The following SERPINA6 variants were observed in gnomAD, a reference collection of about 807,000 sequenced individuals.
SERPINA6 encodes serpin family A member 6.
SERPINA6 carries 19 observed loss-of-function variants against 26.4 expected under a neutral mutation model. That is an observed-to-expected ratio of 0.72 (90% confidence interval 0.50 to 1.06). The LOEUF is 1.06. Ranked by LOEUF, SERPINA6 falls within the 50% of genes least tolerant of loss-of-function variation. The pLI is 0.00. For missense variants in SERPINA6, 473 were observed against 504.0 expected (o/e 0.94, Z 0.59); for synonymous variants, 196 against 199.4 (o/e 0.98, Z 0.14).
At chr14:94,311,002 G>A (rs1208348080) in intron 2 of SERPINA6, among the ~76,000 whole-genome samples, 2 of 152,214 alleles carry the variant, frequency 1.3e-5, no homozygotes, top group African/African-American at 4.8e-5. Flanking sequence ...CCTACTGTCT[G>A]TGGGATCTAT....
chr14:94,305,179 C>A (rs1895419450), intron 4 of SERPINA6, among the ~76,000 whole-genome samples: 1 of 152,204 alleles, frequency 6.6e-6, no homozygotes, highest in Non-Finnish European at 1.5e-5. Context: ...GAGCTCACAA[C>A]ACCCTAAGGG....
In SERPINA6 at chr14:94,314,310, G is replaced by A. The variant is rs143474136; in HGVS notation, c.339C>T (p.His113=). 5,260 of 1,614,182 alleles carry A rather than the reference G, an allele frequency of 3.3e-3. 116 individuals carry two copies. In the South Asian group the frequency reaches 0.037, roughly 12 times the overall value. The change falls in exon 2 of 5, where the codon CAC becomes CAT. Residue 113 remains histidine (H), a synonymous_variant. Transcript: ENST00000341584. ...TGGTGTCTGACTTTGCAAAGAGTTG[G>A]TGCAGGTGCTGGAAACCCTGGTGGA... The part of the protein sequence containing the change: ...TEIHQGFQHL[H]QLFAKSDTSL...
At chr14:94,307,164 A>T (rs924288433) in intron 3 of SERPINA6, among the ~76,000 whole-genome samples, 4 of 152,292 alleles carry the variant, frequency 2.6e-5, no homozygotes, top group African/African-American at 9.6e-5. Context: ...AAAGGAAGGG[A>T]GACCAATTTA....
At chr14:94,309,614 A>G in intron 3 of SERPINA6, 122 bp downstream of exon 3, 1 of 1,155,524 alleles carries the variant, frequency 8.7e-7, no homozygotes, top group Non-Finnish European at 1.3e-6. Context: ...CAGACAGGAA[A>G]ACTGAGCCCT....
At chr14:94,321,229 A>G (rs1266168253) in intron 1 of SERPINA6, among the ~76,000 whole-genome samples, 1 of 151,670 alleles carries the variant, frequency 6.6e-6, no homozygotes, top group African/African-American at 2.4e-5. Flanking sequence ...CCTCCTGTTC[A>G]ACTCCCTCCA....
chr14:94,313,433 G>A (rs996802963), intron 2 of SERPINA6, among the ~76,000 whole-genome samples: 14 of 152,222 alleles, frequency 9.2e-5, no homozygotes, highest in Admixed American at 3.3e-4. Context: ...AGTCAAAGAG[G>A]AAGGCAGGAA....
chr14:94,319,334 T>G (rs542317983), intron 1 of SERPINA6, among the ~76,000 whole-genome samples: 22 of 152,258 alleles, frequency 1.4e-4, no homozygotes, highest in African/African-American at 5.1e-4. Flanking sequence ...TGTGGGGAAA[T>G]TGGAACCCTT....
rs746726203 is a variant in SERPINA6 at position 94,309,875 on chromosome 14, G to T, written c.745C>A (p.Pro249Thr). ...TISYLHDSEL[P>T]CQLVQMNYVG... is the part of the protein sequence containing the mutation. ...TAGTTCATCTGCACCAGCTGGCAGGGGAGCTCCGAGTCATGAAGGTAACTG... is the reference window on the plus strand; with the variant it reads ...TAGTTCATCTGCACCAGCTGGCAGGTGAGCTCCGAGTCATGAAGGTAACTG... The change falls in exon 3 of 5, where the codon CCC becomes ACC. Residue 249 changes from proline to threonine, a missense_variant. Physicochemically the swap from Pro to Thr is conservative, Grantham distance 38. Transcript: ENST00000341584. 8.1e-6 allele frequency: 13 copies of T among 1,614,054 alleles called. No homozygotes were observed. Among genetic ancestry groups the T allele is most frequent in the Non-Finnish European group, 1.1e-5 (13 of 1,180,044 alleles).
In SERPINA6 at chr14:94,314,475, A is replaced by G. The variant is rs2139723308; in HGVS notation, c.174T>C (p.Ser58=). 1 of 1,614,070 alleles carries G rather than the reference A, an allele frequency of 6.2e-7. No individual in the cohort carries two copies. The highest frequency in any genetic ancestry group is 8.5e-7 in the Non-Finnish European group (1 of 1,180,020). Residue 58 remains serine (S), a synonymous_variant, in exon 2 of 5, where the codon AGT becomes AGC. Transcript: ENST00000341584. ...GGGAGATGAAAATGTTCTTTTTGGG[A>G]CTCAAGGCCACTAGGTGCTTATACA... is the stretch of plus-strand genomic sequence containing the variant. ...FSLYKHLVAL[S]PKKNIFISPV...
intron 3 of SERPINA6, among the ~76,000 whole-genome samples, chr14:94,308,885 C>T (rs907375960): frequency 1.3e-5 from 2 of 152,166 alleles, no homozygotes; most frequent in African/African-American, 4.8e-5. Flanking sequence ...CACTCACTCA[C>T]CCATCCATTC....
chr14:94,316,366 T>C (rs1035655424), intron 1 of SERPINA6, among the ~76,000 whole-genome samples: 6 of 152,240 alleles, frequency 3.9e-5, no homozygotes, highest in African/African-American at 1.2e-4. Context: ...ATAGGTCTGA[T>C]ACATCTAGCT....
chr14:94,314,426 C>T lies in SERPINA6; in HGVS notation c.223G>A (p.Ala75Thr), dbSNP rs1895580815. Residue 75 changes from alanine (A) to threonine (T), a missense_variant, in exon 2 of 5, where the codon GCT becomes ACT. Ala to Thr is a moderately conservative substitution (Grantham distance 58, BLOSUM62 0). Coordinates refer to ENST00000341584, the MANE Select transcript of SERPINA6 (RefSeq NM_001756.4). ...ISPVSISMAL[A>T]MLSLGTCGHT... ...CCACAGGTGCCCAGGGACAGCATAG[C>T]TAAGGCCATGGAGATGCTCACAGGG... The T allele has an allele frequency of 6.2e-7, 1 of 1,614,068 alleles. No individual in the cohort carries two copies. Among genetic ancestry groups the T allele is most frequent in the East Asian group, 2.2e-5 (1 of 44,902 alleles).
At chr14:94,322,804 G>T (rs974404950) in intron 1 of SERPINA6, among the ~76,000 whole-genome samples, 2 of 152,162 alleles carry the variant, frequency 1.3e-5, no homozygotes, top group Non-Finnish European at 2.9e-5. Flanking sequence ...GTGGAGACAG[G>T]TCTGCGTGAC....
chr14:94,318,503 A>G (rs1410445440), intron 1 of SERPINA6, among the ~76,000 whole-genome samples: 1 of 152,226 alleles, frequency 6.6e-6, no homozygotes, highest in Non-Finnish European at 1.5e-5. Flanking sequence ...TACAGAACCC[A>G]GAAATAAGCC....
At chr14:94,306,891 C>T (rs1895449069) in intron 3 of SERPINA6, among the ~76,000 whole-genome samples, 1 of 152,204 alleles carries the variant, frequency 6.6e-6, no homozygotes, top group South Asian at 2.1e-4. Flanking sequence ...TTAAATTCTT[C>T]TTGTGCCTTC....
intron 1 of SERPINA6, among the ~76,000 whole-genome samples, chr14:94,318,626 A>G (rs190590426): frequency 6.6e-6 from 1 of 152,310 alleles, no homozygotes. Context: ...CAAAATAATG[A>G]AATTGGACCT....
At chr14:94,311,943 G>A (rs925103199) in intron 2 of SERPINA6, among the ~76,000 whole-genome samples, 28 of 151,618 alleles carry the variant, frequency 1.8e-4, no homozygotes, top group Admixed American at 3.9e-4. Flanking sequence ...GCAAGACTCC[G>A]TCTCAAAAAA....
At position 94,309,674 on chromosome 14, in the gene SERPINA6, C is replaced by T. The variant is rs914857657; in HGVS notation, c.884+62G>A. On this transcript the variant is annotated intron_variant, in intron 3 of 4. Coordinates refer to ENST00000341584, the MANE Select transcript of SERPINA6 (RefSeq NM_001756.4). ...GATGCCCCAGCATACTCCCTTTCCA[C>T]GTGCCCCACTTTCTGGGGACACGTG... The T allele has an allele frequency of 2.0e-5, 32 of 1,586,958 alleles. No homozygotes were observed. In the Admixed American group the frequency reaches 2.3e-4, roughly 12 times the overall value.
intron 2 of SERPINA6, among the ~76,000 whole-genome samples, chr14:94,310,457 C>T (rs1196543226): frequency 6.6e-6 from 1 of 152,190 alleles, no homozygotes; most frequent in African/African-American, 2.4e-5. Context: ...GCTCCTGACC[C>T]TGCTGAATGG....
Sources: gnomAD v4.1 joint callset for allele counts (sites outside exome capture counted in the v4.1 genomes callset) on GRCh38, gnomAD v4.1.1 for gene constraint, MANE v1.5 for transcripts, NCBI Gene and HGNC (gene_info 2026-07-23, HGNC 2026-07-21) for gene names.